PUDP: variants seen among roughly 807,000 people sequenced by gnomAD.
PUDP encodes the protein pseudouridine-5'-phosphatase.
PUDP carries 8 observed loss-of-function variants against 9.4 expected under a neutral mutation model. The ratio of observed to expected loss-of-function variants is 0.85; its 90% CI spans 0.50 to 1.53. PUDP has a LOEUF of 1.53. Ranked by LOEUF, PUDP falls within the 40% of genes most tolerant of loss-of-function variation. The probability of loss-of-function intolerance (pLI) is 0.00; values close to 1 mark genes in which losing one functional copy is unlikely to be tolerated. For missense variants in PUDP, 188 were observed against 189.7 expected (o/e 0.99, Z 0.05); for synonymous variants, 99 against 80.7 (o/e 1.23, Z -1.22).
chrX:6,795,065 T>A (rs1306930928), intron 3 of PUDP, among the ~76,000 whole-genome samples: 1 of 108,187 alleles, frequency 9.2e-6, no homozygotes, highest in Non-Finnish European at 1.9e-5. Flanking sequence ...TTTTAAACTT[T>A]AAAAAAAAAC....
intron 3 of PUDP, among the ~76,000 whole-genome samples, chrX:6,911,787 A>C (rs894031978): frequency 8.9e-6 from 1 of 112,119 alleles, no homozygotes; most frequent in African/African-American, 3.2e-5. Context: ...CATGTGGTCA[A>C]AGTGGCCTAA....
chrX:6,987,464 C>T (rs995363674), intron 1 of PUDP, among the ~76,000 whole-genome samples: 8 of 111,764 alleles, frequency 7.2e-5, no homozygotes, highest in African/African-American at 2.3e-4. Flanking sequence ...ACTGAGCTTT[C>T]GTTGTAAAGG....
chrX:7,145,351 T>C (rs373784917), intron 1 of PUDP, among the ~76,000 whole-genome samples: 81 of 111,903 alleles, frequency 7.2e-4, no homozygotes, highest in African/African-American at 2.6e-3. Context: ...TCTTCTCTTT[T>C]AAAGAAATTG....
intron 1 of PUDP, among the ~76,000 whole-genome samples, chrX:7,112,030 G>T (rs1171046248): frequency 9.1e-6 from 1 of 109,715 alleles, no homozygotes; most frequent in Non-Finnish European, 1.9e-5. Flanking sequence ...CAATTATTTG[G>T]AATTCACCAA....
chrX:7,139,368 G>C (rs1200614060), intron 1 of PUDP, among the ~76,000 whole-genome samples: 1 of 112,175 alleles, frequency 8.9e-6, no homozygotes, highest in African/African-American at 3.2e-5. Context: ...CAGGTCCTCA[G>C]TTGCATGAGT....
In PUDP at chrX:6,987,189, C is replaced by T. The variant is rs139598450; in HGVS notation, c.205-8846G>A. ...AGAGAGAAAGCCCAGGGAGCATATG[C>T]TAAAAAACCTGGGAAGAAAAATGCA... On this transcript the variant is annotated intron_variant and NMD_transcript_variant, in intron 1 of 3. Coordinates refer to the PUDP transcript ENST00000655425. 4.8e-3 allele frequency among the ~76,000 whole-genome samples: 539 copies of T among 111,991 alleles called. 2 individuals carry two copies. The highest frequency in any genetic ancestry group is 7.0e-3 in the Non-Finnish European group (371 of 53,248).
chrX:6,786,872 C>T (rs1925656000), intron 3 of PUDP, among the ~76,000 whole-genome samples: 1 of 111,541 alleles, frequency 9.0e-6, no homozygotes, highest in South Asian at 3.8e-4. Flanking sequence ...TTTCAAAACC[C>T]ATGTTTATTT....
intron 3 of PUDP, among the ~76,000 whole-genome samples, chrX:6,908,542 G>A (rs1394877808): frequency 8.9e-6 from 1 of 111,753 alleles, no homozygotes; most frequent in African/African-American, 3.3e-5. Flanking sequence ...AACTTCCAGT[G>A]GTCCTGAACT....
chrX:7,031,724 A>G lies in PUDP; in HGVS notation c.204+45496T>C, dbSNP rs1172461431. ...AGTCTTTTTCAACACATGGAATTGG[A>G]AAAACTGGATACCTATATGTATAAA... is the stretch of plus-strand genomic sequence containing the variant. On this transcript the variant is annotated intron_variant and NMD_transcript_variant, in intron 1 of 3. Coordinates refer to the PUDP transcript ENST00000655425. Among the ~76,000 whole-genome samples the G allele has an allele frequency of 3.6e-5, 4 of 112,547 alleles. No individual in the cohort carries two copies. The Admixed American group carries it at 3.8e-4, about 11-fold the overall frequency.
intron 3 of PUDP, among the ~76,000 whole-genome samples, chrX:6,933,153 A>G (rs1184692268): frequency 2.2e-4 from 23 of 105,760 alleles, no homozygotes; most frequent in East Asian, 6.2e-4. Context: ...ATCTGAGAAC[A>G]CGCAGACTGC....
chrX:7,135,438 C>T (rs748957196), intron 1 of PUDP, among the ~76,000 whole-genome samples: 6 of 112,094 alleles, frequency 5.4e-5, no homozygotes, highest in Non-Finnish European at 9.4e-5. Flanking sequence ...ATCCTGTAGA[C>T]ATTTGTCTAC....
chrX:6,995,758 G>A (rs1929241968), intron 1 of PUDP, among the ~76,000 whole-genome samples: 1 of 107,473 alleles, frequency 9.3e-6, no homozygotes, highest in Admixed American at 1.0e-4. Flanking sequence ...AAATATGAAA[G>A]GCATCAAAAG....
At chrX:6,905,500 G>A (rs759469577) in intron 3 of PUDP, among the ~76,000 whole-genome samples, 7 of 111,404 alleles carry the variant, frequency 6.3e-5, no homozygotes, top group Non-Finnish European at 1.3e-4. Context: ...AAGGTGGCAG[G>A]AGAGAGAGAG....
At chrX:6,894,361 C>G (rs1927557360) in intron 3 of PUDP, among the ~76,000 whole-genome samples, 1 of 112,116 alleles carries the variant, frequency 8.9e-6, no homozygotes, top group African/African-American at 3.2e-5. Flanking sequence ...TGGTTGTTCT[C>G]TGCTGGCTTT....
At chrX:6,900,564 G>A (rs56348728) in intron 3 of PUDP, among the ~76,000 whole-genome samples, 8,506 of 77,285 alleles carry the variant, frequency 0.11, 493 homozygotes, top group East Asian at 0.42. Flanking sequence ...AGGGAGAGAA[G>A]GAGAGAGGGA....
intron 3 of PUDP, among the ~76,000 whole-genome samples, chrX:6,918,229 G>A (rs1927965224): frequency 8.9e-6 from 1 of 111,835 alleles, no homozygotes; most frequent in Admixed American, 9.5e-5. Flanking sequence ...ATATTCAGTG[G>A]GAAATTTCAA....
At chrX:6,960,280 C>T (rs947973650) in intron 3 of PUDP, among the ~76,000 whole-genome samples, 4 of 112,436 alleles carry the variant, frequency 3.6e-5, no homozygotes, top group South Asian at 3.7e-4. Flanking sequence ...TGTTAATAGG[C>T]GGGACCTTTA....
At chrX:6,993,510 A>T (rs974915059) in intron 1 of PUDP, among the ~76,000 whole-genome samples, 3 of 111,565 alleles carry the variant, frequency 2.7e-5, no homozygotes, top group Non-Finnish European at 5.6e-5. Flanking sequence ...ATGAAAACTG[A>T]AACAGAGGAA....
At chrX:7,078,945 C>T (rs1931000567) in intron 2 of PUDP, among the ~76,000 whole-genome samples, 1 of 111,861 alleles carries the variant, frequency 8.9e-6, no homozygotes, top group Admixed American at 9.5e-5. Context: ...GAAATAGACA[C>T]AGAAATGATA....
Sources: allele counts gnomAD v4.1 joint callset (sites outside exome capture counted in the v4.1 genomes callset), GRCh38; gene constraint gnomAD v4.1.1; transcripts MANE v1.5; gene names NCBI Gene and HGNC (gene_info 2026-07-23, HGNC 2026-07-21).